The following SLC6A3 variants were observed in gnomAD, a reference collection of about 807,000 sequenced individuals.
The protein encoded by SLC6A3 is solute carrier family 6 member 3.
Under a neutral mutation model 70.4 loss-of-function variants are expected in SLC6A3, and 19 were observed. The ratio of observed to expected loss-of-function variants is 0.27; its 90% confidence interval spans 0.19 to 0.40. SLC6A3 has a LOEUF of 0.40. SLC6A3 is among the 10% of genes least tolerant of loss of function. The probability of loss-of-function intolerance (pLI) is 1.00; values close to 1 mark genes in which losing one functional copy is unlikely to be tolerated. For synonymous variants in SLC6A3, 368 were observed against 356.6 expected (o/e 1.03, Z -0.36); for missense variants, 613 against 838.5 (o/e 0.73, Z 3.32).
Position 1,414,779 on chromosome 5 carries a change from CGTCAG to C in SLC6A3, c.1063_1067del (p.Leu355GlufsTer81). On this transcript the variant is annotated frameshift_variant, in exon 8 of 15. Transcript: ENST00000270349. LOFTEE classifies it high-confidence loss of function. The stretch of plus-strand genomic sequence containing the variant: ...AGACGACGAAGCCGGAGGAGAAGCT[CGTCAG>C]GGAGTTGATGGAGGTGGTGACAATC... 6.2e-7 allele frequency: 1 copy of C among 1,612,836 alleles called. No homozygotes were observed. Among genetic ancestry groups the C allele is most frequent in the Admixed American group, 1.7e-5 (1 of 59,990 alleles).
rs142798471 is a variant in SLC6A3 at position 1,441,245 on chromosome 5, G to A, written c.418+114C>T. The A allele has an allele frequency of 8.1e-3, 10,758 of 1,322,078 alleles. 71 individuals are homozygous for A. Among genetic ancestry groups the A allele is most frequent in the Non-Finnish European group, 1.0e-2 (9,195 of 919,610 alleles). The allele number at this position is 1,322,078 out of a possible 1,614,324, so 81.9% of individuals were successfully genotyped here. A position where few individuals can be genotyped will look rare whatever the true frequency, so the allele number is the denominator to read the frequency against. ...TTCAAGTGGCGTGTGCCATGCCTGT[G>A]TCTTAGCAAAGCAGGGCTGGATGCC... On this transcript the variant is annotated intron_variant, in intron 3 of 14. Transcript: ENST00000270349.
chr5:1,433,146 A>C (rs1756744512), intron 3 of SLC6A3, among the ~76,000 whole-genome samples: 1 of 152,092 alleles, frequency 6.6e-6, no homozygotes, highest in Non-Finnish European at 1.5e-5. Context: ...TCTAGGGGGT[A>C]CTCTGGGTGA....
intron 6 of SLC6A3, among the ~76,000 whole-genome samples, chr5:1,418,936 T>TC (rs1553986980): frequency 3.4e-5 from 5 of 147,148 alleles, no homozygotes; most frequent in African/African-American, 1.3e-4. Flanking sequence ...CATCCATTCA[T>TC]CATCCATCCA....
At chr5:1,414,562 G>GCAGCAACTCTCACTGAAGTCGCTC (rs1756231173) in intron 8 of SLC6A3, 129 bp downstream of exon 8, 3 of 1,064,526 alleles carry the variant, frequency 2.8e-6, no homozygotes, top group Non-Finnish European at 4.1e-6. Context: ...CAAGAGTGAG[G>GCAGCAACTCTCACTGAAGTCGCTC]CAGCAACTCT....
chr5:1,411,179 G>A lies in SLC6A3; in HGVS notation c.1269+64C>T, dbSNP rs899847143. On this transcript the variant is annotated intron_variant, in intron 9 of 14. Coordinates refer to ENST00000270349, the MANE Select transcript of SLC6A3 (RefSeq NM_001044.5). The surrounding 1 kb of genome is among the most constrained non-coding windows in gnomAD (Gnocchi z 6.5). ...GATCTTGCCTAGCCCTGGGAGGGCA[G>A]GGCCCCCTCGGGTGGAAGGAACCCA... is the stretch of plus-strand genomic sequence containing the variant. 12 of 1,158,758 alleles carry A rather than the reference G, an allele frequency of 1.0e-5. No individual in the cohort carries two copies. Among genetic ancestry groups the A allele is most frequent in the African/African-American group, 1.5e-5 (1 of 65,238 alleles). 71.8% of individuals were successfully genotyped at this position (1,158,758 alleles called of 1,614,324 possible). A position where few individuals can be genotyped will look rare whatever the true frequency, so the allele number is the denominator to read the frequency against.
At chr5:1,407,657 G>A (rs1056609804) in intron 11 of SLC6A3, among the ~76,000 whole-genome samples, 9 of 152,228 alleles carry the variant, frequency 5.9e-5, no homozygotes, top group African/African-American at 9.6e-5. Flanking sequence ...CCGTGGTTCC[G>A]GAGGCCATGG....
At chr5:1,400,514 C>T (rs1466297712) in intron 14 of SLC6A3, among the ~76,000 whole-genome samples, 1 of 152,186 alleles carries the variant, frequency 6.6e-6, no homozygotes, top group Non-Finnish European at 1.5e-5. Flanking sequence ...CCTGTGGCTT[C>T]CCATGGCCAG....
At chr5:1,427,123 A>C (rs557503901) in intron 4 of SLC6A3, among the ~76,000 whole-genome samples, 19 of 152,384 alleles carry the variant, frequency 1.2e-4, no homozygotes, top group African/African-American at 4.3e-4. Flanking sequence ...AGCACTAGAG[A>C]TGGTGCCTAT....
rs894467627 is a variant in SLC6A3, at chr5:1,443,346, G to A, written c.-45-104C>T. 2.8e-5 allele frequency: 25 copies of A among 902,700 alleles called. 1 individual carries two copies. The highest frequency in any genetic ancestry group is 1.4e-4 in the South Asian group (10 of 73,226). The allele number at this position is 902,700 out of a possible 1,614,324, so 55.9% of individuals were successfully genotyped here. ...GAGGGCAGAGCCCCGAGGCATTCACGGGCATTCCTCTGGGAAGGGATGGGT... is the reference window on the plus strand; with the variant it reads ...GAGGGCAGAGCCCCGAGGCATTCACAGGCATTCCTCTGGGAAGGGATGGGT... On this transcript the variant is annotated intron_variant, in intron 1 of 14. Coordinates refer to ENST00000270349, the MANE Select transcript of SLC6A3 (RefSeq NM_001044.5).
rs753534338 is a variant in SLC6A3, at chr5:1,413,700, C to T, written c.1156+991G>A. On this transcript the variant is annotated intron_variant, in intron 8 of 14. Transcript: ENST00000270349. The surrounding 1 kb of genome is among the most constrained non-coding windows in gnomAD (Gnocchi z 7.1). ...GTCTGGAGCGAAAGGGCCTCCTCCA[C>T]ATCCATGTGGCAGAGCAGGCCGGGA... Among the ~76,000 whole-genome samples the T allele has an allele frequency of 2.6e-5, 4 of 152,326 alleles. No individual in the cohort carries two copies. The highest frequency in any genetic ancestry group is 5.9e-5 in the Non-Finnish European group (4 of 68,018).
rs1756039683 is a variant in SLC6A3 at position 1,408,495 on chromosome 5, G to A, written c.1498+531C>T. Among the ~76,000 whole-genome samples the A allele has an allele frequency of 2.6e-5, 4 of 151,718 alleles. No homozygotes were observed. The highest frequency in any genetic ancestry group is 2.0e-4 in the Admixed American group (3 of 15,220). On this transcript the variant is annotated intron_variant, in intron 11 of 14. Coordinates refer to ENST00000270349, the MANE Select transcript of SLC6A3 (RefSeq NM_001044.5). The surrounding 1 kb of genome is among the most constrained non-coding windows in gnomAD (Gnocchi z 6.4). ...GGCCAGGTCAGCATGTGGGGAAAGG[G>A]CAGCCCTGGCTCCAGGCTGGGTTTT...
At chr5:1,400,839 C>A in intron 14 of SLC6A3, 76 bp downstream of exon 14, 4 of 1,190,248 alleles carry the variant, frequency 3.4e-6, no homozygotes, top group South Asian at 1.3e-5. Flanking sequence ...TCGGAGCCCC[C>A]TGGGGGCTAA....
In SLC6A3 at chr5:1,441,279, G is replaced by A. The variant is rs905253948; in HGVS notation, c.418+80C>T. ...AAGCAGGGCTGGATGCCCATGATGC[G>A]GCTGGCTTGCTTTGAAAGCTCCAGC... On this transcript the variant is annotated intron_variant, in intron 3 of 14. Transcript: ENST00000270349. 2.2e-5 allele frequency: 34 copies of A among 1,570,588 alleles called. No homozygotes were observed. In the East Asian group the frequency reaches 2.9e-4, roughly 13 times the overall value.
At position 1,397,400 on chromosome 5, in the gene SLC6A3, C is replaced by T. The variant is rs180881113; in HGVS notation, c.1840-2642G>A. On this transcript the variant is annotated intron_variant, in intron 14 of 14. Coordinates refer to ENST00000270349, the MANE Select transcript of SLC6A3 (RefSeq NM_001044.5). This position sits in a 1 kb window ranked among gnomAD's most constrained non-coding sequence, Gnocchi z 4.7. Reference sequence around the variant, plus strand: ...GAGCCGAGATTGCGCCACTGCACTCCAGCCTGGGCTACAGAGCGAGACTCC... The same window carrying T: ...GAGCCGAGATTGCGCCACTGCACTCTAGCCTGGGCTACAGAGCGAGACTCC... Among the ~76,000 whole-genome samples the T allele has an allele frequency of 6.6e-6, 1 of 152,304 alleles. No homozygotes were observed. Among genetic ancestry groups the T allele is most frequent in the African/African-American group, 2.4e-5 (1 of 41,538 alleles).
intron 6 of SLC6A3, among the ~76,000 whole-genome samples, chr5:1,419,335 C>CCATT (rs1433257018): frequency 6.7e-6 from 1 of 148,924 alleles, no homozygotes; most frequent in African/African-American, 2.4e-5. Context: ...ATCCATCCAT[C>CCATT]CATCCATCCA....
intron 9 of SLC6A3, among the ~76,000 whole-genome samples, chr5:1,410,457 G>A (rs551411473): frequency 7.2e-5 from 11 of 152,200 alleles, no homozygotes; most frequent in Non-Finnish European, 1.5e-4. Flanking sequence ...CATGACCAGC[G>A]TTTATAAGGC....
chr5:1,409,210 T>C (rs1756056514), intron 10 of SLC6A3, 85 bp from the exon 11 acceptor site: 1 of 995,696 alleles, frequency 1.0e-6, no homozygotes. Context: ...GCACACAAAT[T>C]GTTTCACTCA....
chr5:1,422,253 G>T (rs1011485756), intron 4 of SLC6A3, among the ~76,000 whole-genome samples: 2 of 152,250 alleles, frequency 1.3e-5, no homozygotes, highest in Non-Finnish European at 2.9e-5. Context: ...CTCACCATCT[G>T]CCCTTGGCAC....
In SLC6A3 at chr5:1,411,557, G is replaced by A. The variant is rs1314400658; in HGVS notation, c.1157-202C>T. Reference sequence around the variant, plus strand: ...AAGCGGAAACCCAGAACTGATCAGAGGGCTTTGGTTCATGCCCACCACCCA... The same window carrying A: ...AAGCGGAAACCCAGAACTGATCAGAAGGCTTTGGTTCATGCCCACCACCCA... On this transcript the variant is annotated intron_variant, in intron 8 of 14. Coordinates refer to ENST00000270349, the MANE Select transcript of SLC6A3 (RefSeq NM_001044.5). The surrounding 1 kb of genome is among the most constrained non-coding windows in gnomAD (Gnocchi z 6.5). Among the ~76,000 whole-genome samples the A allele has an allele frequency of 6.6e-6, 1 of 152,174 alleles. No individual in the cohort carries two copies. The highest frequency in any genetic ancestry group is 1.5e-5 in the Non-Finnish European group (1 of 68,034).
Sources: allele counts gnomAD v4.1 joint callset (sites outside exome capture counted in the v4.1 genomes callset), GRCh38; gene constraint gnomAD v4.1.1; non-coding constraint Gnocchi (gnomAD v3.1); transcripts MANE v1.5; gene names NCBI Gene and HGNC (gene_info 2026-07-23, HGNC 2026-07-21).